OTUD7B: variants seen among roughly 807,000 people sequenced by gnomAD.
The protein encoded by OTUD7B is OTU deubiquitinase 7B, also known as OTU domain-containing protein 7B.
Under a neutral mutation model 82.2 loss-of-function variants are expected in OTUD7B, and 34 were observed. The ratio of observed to expected loss-of-function variants is 0.41; its 90% CI spans 0.31 to 0.55. OTUD7B has a LOEUF of 0.55. Among genes scored for constraint, OTUD7B ranks in the 20% least tolerant of loss-of-function variants. The pLI is 0.20. For synonymous variants in OTUD7B, 398 were observed against 402.7 expected (o/e 0.99, Z 0.14); for missense variants, 944 against 1,062.1 (o/e 0.89, Z 1.55).
rs587725419 is a variant in OTUD7B at position 149,997,306 on chromosome 1, G to A, written c.-67+13142C>T. ...TACAAAAGATCTAAGGCTATTCAAC[G>A]CTGTAAAAAATCTCCTATTAGCAAA... On this transcript the variant is annotated intron_variant, in intron 1 of 11. Coordinates refer to ENST00000581312, the MANE Select transcript of OTUD7B (RefSeq NM_020205.4). Among the ~76,000 whole-genome samples, 14 of 152,194 alleles carry A rather than the reference G, an allele frequency of 9.2e-5. No homozygotes were observed. In the East Asian group the frequency reaches 9.6e-4, roughly 10 times the overall value.
chr1:150,029,517 A>C, the OTUD7B span, among the ~76,000 whole-genome samples: 1 of 152,236 alleles, frequency 6.6e-6, no homozygotes, highest in South Asian at 2.1e-4. Flanking sequence ...GATTTCTAGA[A>C]GCAATAGCTC....
At chr1:150,016,452 C>CTTTTTTTTTTTT in the OTUD7B span, among the ~76,000 whole-genome samples, 1 of 106,608 alleles carries the variant, frequency 9.4e-6, no homozygotes, top group African/African-American at 3.5e-5. Context: ...TTTTCTTTTT[C>CTTTTTTTTTTTT]TTTTTTTTTT....
chr1:149,947,161 G>C (rs1377683398), intron 11 of OTUD7B, 90 bp downstream of exon 11: 4 of 729,162 alleles, frequency 5.5e-6, no homozygotes, highest in African/African-American at 5.2e-5. Context: ...ACTCAGAATA[G>C]ATTCAGAAGG....
chr1:150,051,449 CTTTA>C, the OTUD7B span, among the ~76,000 whole-genome samples: 1 of 151,656 alleles, frequency 6.6e-6, no homozygotes, highest in Admixed American at 6.6e-5. Context: ...AAACTCTGTA[CTTTA>C]TTTAACATGT....
At chr1:150,059,424 C>A in the OTUD7B span, among the ~76,000 whole-genome samples, 2 of 149,964 alleles carry the variant, frequency 1.3e-5, no homozygotes, top group Admixed American at 1.3e-4. Flanking sequence ...GGCTGGAGTG[C>A]AATGGCGCAA....
chr1:149,980,916 G>A (rs782633285), intron 1 of OTUD7B, among the ~76,000 whole-genome samples: 85 of 151,932 alleles, frequency 5.6e-4, no homozygotes, highest in Middle Eastern at 6.8e-3. Context: ...GAGTGGCTGA[G>A]GTGGGAGGAT....
rs184965903 is a variant in OTUD7B, at chr1:149,965,448, A to T, written c.604+329T>A. Among the ~76,000 whole-genome samples the T allele has an allele frequency of 1.8e-3, 274 of 152,360 alleles. 2 individuals are homozygous for T. Among genetic ancestry groups the T allele is most frequent in the Middle Eastern group, 3.4e-3 (1 of 294 alleles). ...ACATACCTTTTTCATACAACAAAAG[A>T]ATAAATATTAAGTAGAATTGTACAC... On this transcript the variant is annotated intron_variant, in intron 5 of 11. Transcript: ENST00000581312.
chr1:150,040,219 T>TGA, the OTUD7B span, among the ~76,000 whole-genome samples: 1 of 152,246 alleles, frequency 6.6e-6, no homozygotes, highest in Non-Finnish European at 1.5e-5. Flanking sequence ...CTTAGAAAGA[T>TGA]GATCTCTTTT....
chr1:149,967,502 G>T lies in OTUD7B; in HGVS notation c.294C>A (p.Gly98=). The change falls in exon 4 of 12, where the codon GGC becomes GGA. Residue 98 remains glycine (G), a synonymous_variant. Coordinates refer to ENST00000581312, the MANE Select transcript of OTUD7B (RefSeq NM_020205.4). ...CAATGCTGGAGCTGGCGTGGGAGAT[G>T]CCCCTAGACAGGCGTTTTTCTGCAA... ...DIVQEKRLSR[G]ISHASSSIVS... is the part of the protein sequence containing the mutation. 1 of 1,603,006 alleles carries T rather than the reference G, an allele frequency of 6.2e-7. No individual in the cohort carries two copies. The highest frequency in any genetic ancestry group is 1.7e-4 in the Middle Eastern group (1 of 5,990).
rs1647464936 is a variant in OTUD7B at position 149,944,054 on chromosome 1, A to G, written c.2335T>C (p.Tyr779His). Residue 779 changes from tyrosine to histidine, a missense_variant, in exon 12 of 12, where the codon TAC (tyrosine) becomes CAC (histidine). By Grantham distance (83) the Tyr-to-His change is moderately conservative (BLOSUM62 2). Transcript: ENST00000581312. ...CCATCTGGCTCAGGGGGCTCTCTGT[A>G]GCCATTGCTATAGGAATCAGCCACT... The part of the protein sequence containing the change: ...YRVADSYSNG[Y>H]REPPEPDGWA... The G allele has an allele frequency of 1.9e-6, 3 of 1,614,158 alleles. No individual in the cohort carries two copies. Among genetic ancestry groups the G allele is most frequent in the Non-Finnish European group, 2.5e-6 (3 of 1,180,010 alleles).
the OTUD7B span, among the ~76,000 whole-genome samples, chr1:150,062,496 T>C: frequency 1.3e-5 from 2 of 152,198 alleles, no homozygotes; most frequent in African/African-American, 4.8e-5. Flanking sequence ...AAATTATGTC[T>C]TACTCTGAGC....
At chr1:149,952,055 T>TG (rs1648297325) in intron 7 of OTUD7B, among the ~76,000 whole-genome samples, 28 of 152,250 alleles carry the variant, frequency 1.8e-4, no homozygotes, top group Non-Finnish European at 3.1e-4. Context: ...CTGCACTAAT[T>TG]TTTTTTTATT....
At chr1:150,010,931 C>A (rs1553787259), upstream of OTUD7B, among the ~76,000 whole-genome samples, 2 of 152,204 alleles carry the variant, frequency 1.3e-5, no homozygotes, top group African/African-American at 4.8e-5. Flanking sequence ...AGCTCCTGGT[C>A]TGGAGCATTC....
At chr1:150,016,641 G>A in the OTUD7B span, among the ~76,000 whole-genome samples, 1 of 151,778 alleles carries the variant, frequency 6.6e-6, no homozygotes, top group Non-Finnish European at 1.5e-5. Flanking sequence ...TAGTAGACAC[G>A]GGGTTTCACC....
chr1:149,949,009 C>T lies in OTUD7B; in HGVS notation c.1198G>A (p.Glu400Lys). The change falls in exon 10 of 12, where the codon GAG becomes AAG. Residue 400 changes from glutamate (E) to lysine (K), a missense_variant. Transcript: ENST00000581312. ...TTGTCACTATCATCTTTGCCCCACTCCCAGCCCTTTCCAGGGTCCACAGCA... is the reference window on the plus strand; with the variant it reads ...TTGTCACTATCATCTTTGCCCCACTTCCAGCCCTTTCCAGGGTCCACAGCA... ...HFAVDPGKGW[E>K]WGKDDSDNVR... is the part of the protein sequence containing the mutation. The T allele has an allele frequency of 6.2e-7, 1 of 1,614,026 alleles. No individual in the cohort carries two copies. Among genetic ancestry groups the T allele is most frequent in the Non-Finnish European group, 8.5e-7 (1 of 1,179,860 alleles).
chr1:150,000,849 C>A (rs1398147425), intron 1 of OTUD7B, among the ~76,000 whole-genome samples: 1 of 151,902 alleles, frequency 6.6e-6, no homozygotes, highest in Non-Finnish European at 1.5e-5. Context: ...CACTGTGGCA[C>A]GCACCTGTAA....
At chr1:150,014,098 A>G (rs1653198674), upstream of OTUD7B, among the ~76,000 whole-genome samples, 1 of 8,276 alleles carries the variant, frequency 1.2e-4, no homozygotes, top group Non-Finnish European at 2.7e-4. Context: ...ATATATATAT[A>G]TATATATAGT....
chr1:150,051,802 A>G, the OTUD7B span, among the ~76,000 whole-genome samples: 1 of 152,206 alleles, frequency 6.6e-6, no homozygotes, highest in African/African-American at 2.4e-5. Flanking sequence ...TACATTAAAG[A>G]CATTTTATTT....
intron 1 of OTUD7B, among the ~76,000 whole-genome samples, chr1:150,004,971 T>C (rs782511228): frequency 6.6e-6 from 1 of 152,158 alleles, no homozygotes; most frequent in Non-Finnish European, 1.5e-5. Flanking sequence ...CAAGTGATTC[T>C]CCTGCCTCAG....
Sources: gnomAD v4.1 joint callset for allele counts (sites outside exome capture counted in the v4.1 genomes callset) on GRCh38, gnomAD v4.1.1 for gene constraint, MANE v1.5 for transcripts, NCBI Gene and HGNC (gene_info 2026-07-23, HGNC 2026-07-21) for gene names.